DDAH1: variants seen among roughly 807,000 people sequenced by gnomAD.
DDAH1 encodes dimethylarginine dimethylaminohydrolase 1, also known as N(G),N(G)-dimethylarginine dimethylaminohydrolase 1.
A neutral mutation model predicts 28.8 loss-of-function variants in DDAH1; 19 were observed. The observed-to-expected ratio is 0.66, with a 90% CI of 0.46 to 0.97. DDAH1 has a LOEUF of 0.97. Among genes scored for constraint, DDAH1 ranks in the 50% least tolerant of loss-of-function variants. The probability of loss-of-function intolerance (pLI) is 0.00; values close to 1 mark genes in which losing one functional copy is unlikely to be tolerated. For missense variants in DDAH1, 326 were observed against 375.9 expected, an observed-to-expected ratio of 0.87 and a Z score of 1.10; for synonymous variants, 153 against 154.4, an observed-to-expected ratio of 0.99 and a Z score of 0.07.
rs1441400871 is a variant in DDAH1 at position 85,418,740 on chromosome 1, A to AGGGATATGG, written c.303+46002_303+46003insCCATATCCC. On this transcript the variant is annotated intron_variant, in intron 1 of 5. Transcript: ENST00000284031. ...ATGCTGTCACTTCTCCTTTTAACAC[A>AGGGATATGG]GTACCCATATCCCTGCTTTCCCATC... is the stretch of plus-strand genomic sequence containing the variant. 3.3e-5 allele frequency among the ~76,000 whole-genome samples: 5 copies of AGGGATATGG among 152,232 alleles called. No individual in the cohort carries two copies. The East Asian group carries it at 9.6e-4, about 29-fold the overall frequency.
At chr1:85,391,396 G>A (rs1026578849) in intron 1 of DDAH1, among the ~76,000 whole-genome samples, 1 of 152,202 alleles carries the variant, frequency 6.6e-6, no homozygotes, top group Non-Finnish European at 1.5e-5. Context: ...CAGCCCAGGA[G>A]TTTGAGGCTG....
rs546347581 is a variant in DDAH1 at position 85,455,738 on chromosome 1, G to A, written c.303+9005C>T. The stretch of plus-strand genomic sequence containing the variant: ...AGTGATGTGTGATGGCAGACAGTAT[G>A]TGGGTCTAGGATCTTACACTATTTC... On this transcript the variant is annotated intron_variant, in intron 1 of 5. Coordinates refer to ENST00000284031, the MANE Select transcript of DDAH1 (RefSeq NM_012137.4). Among the ~76,000 whole-genome samples the A allele has an allele frequency of 9.8e-5, 15 of 152,288 alleles. No homozygotes were observed. In the East Asian group the frequency reaches 2.5e-3, roughly 25 times the overall value.
intron 2 of DDAH1, among the ~76,000 whole-genome samples, chr1:85,479,558 G>C (rs572931312): frequency 2.0e-5 from 3 of 152,148 alleles, no homozygotes; most frequent in Admixed American, 2.0e-4. Context: ...CCACAATCGG[G>C]GTTTTCACCA....
rs117435424 is a variant in DDAH1, at chr1:85,566,720, A to C, written c.-123+11264T>G. Among the ~76,000 whole-genome samples the C allele has an allele frequency of 1.0e-3, 156 of 152,322 alleles. 3 individuals carry two copies. In the East Asian group the frequency reaches 0.016, roughly 16 times the overall value. On this transcript the variant is annotated intron_variant, in intron 1 of 6. Transcript: ENST00000426972. ...ACTAGGGATAAAGAAATTGTATTAG[A>C]TTAGTTATGGTTCTCCAAAAGAAAC...
chr1:85,364,407 A>G (rs1011376321), intron 1 of DDAH1, among the ~76,000 whole-genome samples: 4 of 152,190 alleles, frequency 2.6e-5, no homozygotes, highest in Admixed American at 1.3e-4. Context: ...TAAGAACACT[A>G]AGTAATATGA....
At chr1:85,343,279 T>C (rs556190835) in intron 4 of DDAH1, among the ~76,000 whole-genome samples, 7 of 152,368 alleles carry the variant, frequency 4.6e-5, no homozygotes, top group African/African-American at 1.7e-4. Flanking sequence ...AAATTCAGCA[T>C]GGCTGTTTTG....
intron 1 of DDAH1, among the ~76,000 whole-genome samples, chr1:85,439,514 G>A (rs1169517830): frequency 3.9e-5 from 6 of 152,284 alleles, no homozygotes; most frequent in Non-Finnish European, 5.9e-5. Flanking sequence ...CACATTATAC[G>A]TATCATCAGT....
intron 1 of DDAH1, among the ~76,000 whole-genome samples, chr1:85,406,729 T>G (rs999799812): frequency 5.9e-5 from 9 of 152,156 alleles, no homozygotes; most frequent in Admixed American, 5.9e-4. Flanking sequence ...TCCTTTAGTT[T>G]TTGAGTATAC....
At chr1:85,442,389 T>C (rs1285273529) in intron 1 of DDAH1, among the ~76,000 whole-genome samples, 1 of 152,228 alleles carries the variant, frequency 6.6e-6, no homozygotes, top group Admixed American at 6.5e-5. Context: ...TAGTATTCCA[T>C]GGTGTATATG....
chr1:85,439,553 ACTCTT>A (rs1053289202), intron 1 of DDAH1, among the ~76,000 whole-genome samples: 1 of 152,190 alleles, frequency 6.6e-6, no homozygotes, highest in African/African-American at 2.4e-5. Flanking sequence ...TATACATGAC[ACTCTT>A]CTCTTGTTTC....
At chr1:85,491,043 ATT>A (rs759576537) in intron 2 of DDAH1, among the ~76,000 whole-genome samples, 19,595 of 78,798 alleles carry the variant, frequency 0.25, 2,006 homozygotes, top group East Asian at 0.44. Flanking sequence ...AGTAACATGT[ATT>A]CTTTTTTTTT....
chr1:85,475,361 T>C (rs773351581), intron 2 of DDAH1, among the ~76,000 whole-genome samples: 1 of 152,298 alleles, frequency 6.6e-6, no homozygotes, highest in African/African-American at 2.4e-5. Flanking sequence ...GAAGAAGATA[T>C]GCAAAGCATA....
At chr1:85,426,216 A>G (rs1348870553) in intron 1 of DDAH1, among the ~76,000 whole-genome samples, 1 of 152,220 alleles carries the variant, frequency 6.6e-6, no homozygotes, top group Non-Finnish European at 1.5e-5. Context: ...GAACTTAGAA[A>G]TAATAGATTT....
chr1:85,510,078 A>AG (rs1163727799), intron 1 of DDAH1, among the ~76,000 whole-genome samples: 1 of 152,216 alleles, frequency 6.6e-6, no homozygotes, highest in Admixed American at 6.5e-5. Flanking sequence ...TGAAGGAAAA[A>AG]GTGTTAAGGG....
intron 1 of DDAH1, chr1:85,448,248 C>G (rs1007884519): frequency 6.3e-6 from 1 of 158,250 alleles, no homozygotes; most frequent in African/African-American, 2.4e-5. Flanking sequence ...TCGGACACCC[C>G]TATGTTAGAA....
At chr1:85,427,653 G>C (rs1214639352) in intron 1 of DDAH1, among the ~76,000 whole-genome samples, 1 of 152,114 alleles carries the variant, frequency 6.6e-6, no homozygotes, top group Non-Finnish European at 1.5e-5. Context: ...ACTGTCTGTT[G>C]TCAATTGCTC....
chr1:85,384,710 A>G (rs1651163831), intron 1 of DDAH1, among the ~76,000 whole-genome samples: 1 of 152,218 alleles, frequency 6.6e-6, no homozygotes, highest in Non-Finnish European at 1.5e-5. Context: ...AACATTATAT[A>G]ATGTCCCATA....
intron 4 of DDAH1, among the ~76,000 whole-genome samples, chr1:85,346,681 T>G (rs190065595): frequency 6.6e-6 from 1 of 152,322 alleles, no homozygotes; most frequent in Non-Finnish European, 1.5e-5. Flanking sequence ...TATATTTGTC[T>G]CTATTCATCT....
intron 1 of DDAH1, among the ~76,000 whole-genome samples, chr1:85,534,903 G>A (rs2773147): frequency 6.6e-6 from 1 of 152,126 alleles, no homozygotes; most frequent in Admixed American, 6.5e-5. Context: ...CCCAGTAAAG[G>A]TTCCTGTGAC....
Sources: allele counts gnomAD v4.1 joint callset (sites outside exome capture counted in the v4.1 genomes callset), GRCh38; gene constraint gnomAD v4.1.1; transcripts MANE v1.5; gene names NCBI Gene and HGNC (gene_info 2026-07-23, HGNC 2026-07-21).